Variants in KIAA0825 observed in about 807,000 individuals in gnomAD.
KIAA0825 encodes uncharacterized protein KIAA0825.
KIAA0825 carries 119 observed loss-of-function variants against 147.6 expected under a neutral mutation model. That is an observed-to-expected ratio of 0.81 (90% CI 0.69 to 0.94). The LOEUF (loss-of-function observed/expected upper bound fraction) is 0.94, where lower values mean the gene tolerates loss of function less well. Ranked by LOEUF, KIAA0825 falls within the 40% of genes least tolerant of loss-of-function variation. KIAA0825 has a pLI of 0.00. For missense variants in KIAA0825, 1,381 were observed against 1,472.7 expected, an observed-to-expected ratio of 0.94 and a Z score of 1.02; for synonymous variants, 470 against 518.1, an observed-to-expected ratio of 0.91 and a Z score of 1.26.
In KIAA0825 at chr5:94,537,783, G is replaced by T. The variant is rs576133872; in HGVS notation, c.-1-656C>A. Among the ~76,000 whole-genome samples the T allele has an allele frequency of 6.6e-5, 10 of 152,174 alleles. No homozygotes were observed. The South Asian group carries it at 1.9e-3, about 28-fold the overall frequency. On this transcript the variant is annotated intron_variant, in intron 2 of 20. Coordinates refer to ENST00000682413, the MANE Select transcript of KIAA0825 (RefSeq NM_001145678.3). The stretch of plus-strand genomic sequence containing the variant: ...CCCACAGACCACTGTGAACAAGGGT[G>T]GGTGCAGCAAAAATTCAATACCTTC...
rs1291838152 is a variant in KIAA0825, at chr5:94,342,302, G to C, written c.3710+42066C>G. 2.6e-5 allele frequency among the ~76,000 whole-genome samples: 4 copies of C among 152,174 alleles called. No individual in the cohort carries two copies. In the South Asian group the frequency reaches 6.2e-4, roughly 24 times the overall value. On this transcript the variant is annotated intron_variant, in intron 20 of 20. Transcript: ENST00000682413. ...TAGTAAAATATATTGAAACAGTCAA[G>C]TGTATCTTTTTCTTCAAATAACATA... is the stretch of plus-strand genomic sequence containing the variant.
At chr5:94,577,828 G>GT (rs1199207180) in intron 2 of KIAA0825, among the ~76,000 whole-genome samples, 1 of 152,154 alleles carries the variant, frequency 6.6e-6, no homozygotes, top group African/African-American at 2.4e-5. Flanking sequence ...TATTACTTAT[G>GT]TAAGAGGTTG....
intron 20 of KIAA0825, among the ~76,000 whole-genome samples, chr5:94,295,610 G>A (rs956029594): frequency 2.6e-5 from 4 of 152,112 alleles, no homozygotes; most frequent in African/African-American, 7.2e-5. Context: ...GTTTCTGTGT[G>A]GACATCCTTT....
At chr5:94,184,595 T>G (rs1289184513) in intron 20 of KIAA0825, among the ~76,000 whole-genome samples, 1 of 152,198 alleles carries the variant, frequency 6.6e-6, no homozygotes, top group Non-Finnish European at 1.5e-5. Context: ...CAACAAAACC[T>G]CCTATACTTT....
chr5:94,249,639 C>CTGTT (rs1435604012), intron 20 of KIAA0825, among the ~76,000 whole-genome samples: 1 of 152,024 alleles, frequency 6.6e-6, no homozygotes, highest in Non-Finnish European at 1.5e-5. Flanking sequence ...GCTGTTCTCT[C>CTGTT]TGTTTGGAAT....
intron 1 of KIAA0825, among the ~76,000 whole-genome samples, chr5:94,582,888 CAA>C (rs76632498): frequency 0.14 from 21,649 of 152,120 alleles, 1,744 homozygotes; most frequent in East Asian, 0.32. Context: ...AAATTTATCA[CAA>C]AGAGAGTAAC....
Position 94,546,046 on chromosome 5 carries a change from T to A in KIAA0825, c.-1-8919A>T, listed in dbSNP as rs1774291831. Among the ~76,000 whole-genome samples, 3 of 152,142 alleles carry A rather than the reference T, an allele frequency of 2.0e-5. No individual in the cohort carries two copies. In the South Asian group the frequency reaches 6.2e-4, roughly 31 times the overall value. On this transcript the variant is annotated intron_variant, in intron 2 of 20. Transcript: ENST00000682413. ...ACAAGCTGACTGACTGAAGAGCCCTTGGGCCCTATGGGAACATTGGCTGTA... is the reference window on the plus strand; with the variant it reads ...ACAAGCTGACTGACTGAAGAGCCCTAGGGCCCTATGGGAACATTGGCTGTA...
chr5:94,450,660 T>C (rs1758284965), intron 13 of KIAA0825, among the ~76,000 whole-genome samples: 2 of 151,960 alleles, frequency 1.3e-5, no homozygotes, highest in African/African-American at 4.8e-5. Flanking sequence ...ATAACTTCCA[T>C]TAGACCCCAC....
At chr5:94,354,854 A>G (rs1286704615) in intron 20 of KIAA0825, among the ~76,000 whole-genome samples, 4 of 152,246 alleles carry the variant, frequency 2.6e-5, no homozygotes. Flanking sequence ...TCTGAGCCAA[A>G]TAGAAGTGAC....
chr5:94,168,860 C>T (rs1768321105), intron 20 of KIAA0825, among the ~76,000 whole-genome samples: 1 of 152,116 alleles, frequency 6.6e-6, no homozygotes, highest in Non-Finnish European at 1.5e-5. Flanking sequence ...TGGAAATTTT[C>T]ATGGACTATG....
intron 5 of KIAA0825, among the ~76,000 whole-genome samples, chr5:94,501,895 T>C (rs1765134000): frequency 6.6e-6 from 1 of 152,162 alleles, no homozygotes; most frequent in African/African-American, 2.4e-5. Context: ...AAATGTGAGA[T>C]GGTTAATTAA....
intron 20 of KIAA0825, among the ~76,000 whole-genome samples, chr5:94,303,973 A>T (rs1028741435): frequency 1.3e-5 from 2 of 152,136 alleles, no homozygotes; most frequent in African/African-American, 2.4e-5. Context: ...AATGATAATC[A>T]TTAAATACTG....
intron 20 of KIAA0825, among the ~76,000 whole-genome samples, chr5:94,233,811 T>C (rs1774873287): frequency 6.6e-6 from 1 of 152,240 alleles, no homozygotes; most frequent in African/African-American, 2.4e-5. Context: ...TTCAGTTTAT[T>C]TGTAACTTAT....
chr5:94,205,300 T>TATATATATATATATATATATA (rs1554242872), intron 20 of KIAA0825, among the ~76,000 whole-genome samples: 28 of 133,902 alleles, frequency 2.1e-4, no homozygotes, highest in Non-Finnish European at 2.7e-4. Flanking sequence ...TATATATATA[T>TATATATATATATATATATATA]TTTGTTTTGT....
At chr5:94,444,568 C>T (rs1562502960) in intron 13 of KIAA0825, among the ~76,000 whole-genome samples, 2 of 151,946 alleles carry the variant, frequency 1.3e-5, no homozygotes, top group East Asian at 3.9e-4. Flanking sequence ...TCGGTGACCC[C>T]ACTGGGCAAG....
At chr5:94,279,960 C>G (rs983014601) in intron 20 of KIAA0825, among the ~76,000 whole-genome samples, 7 of 151,816 alleles carry the variant, frequency 4.6e-5, no homozygotes, top group African/African-American at 1.7e-4. Context: ...TGTTTCAGGC[C>G]GAAAGGACAG....
chr5:94,364,860 C>T (rs1482789802), intron 20 of KIAA0825, among the ~76,000 whole-genome samples: 1 of 152,024 alleles, frequency 6.6e-6, no homozygotes, highest in Admixed American at 6.6e-5. Flanking sequence ...GTAAAATCGA[C>T]CTGCAGACAT....
At chr5:94,352,905 T>G (rs965815146) in intron 20 of KIAA0825, among the ~76,000 whole-genome samples, 2 of 146,254 alleles carry the variant, frequency 1.4e-5, no homozygotes, top group African/African-American at 2.5e-5. Flanking sequence ...AATGATGCAA[T>G]GGACTTTGGG....
intron 20 of KIAA0825, among the ~76,000 whole-genome samples, chr5:94,187,054 T>C (rs906653155): frequency 6.6e-6 from 1 of 152,028 alleles, no homozygotes; most frequent in Non-Finnish European, 1.5e-5. Flanking sequence ...ACTCCTGAAA[T>C]TGATAGTGAA....
Sources: allele counts gnomAD v4.1 joint callset (sites outside exome capture counted in the v4.1 genomes callset), GRCh38; gene constraint gnomAD v4.1.1; transcripts MANE v1.5; gene names NCBI Gene and HGNC (gene_info 2026-07-23, HGNC 2026-07-21).